SCG5: variants seen among roughly 807,000 people sequenced by gnomAD.
SCG5 encodes the protein secretogranin V, also known as neuroendocrine protein 7B2.
SCG5 carries 18 observed loss-of-function variants against 25.7 expected under a neutral mutation model. The ratio of observed to expected loss-of-function variants is 0.70; its 90% CI spans 0.48 to 1.04. SCG5 has a LOEUF of 1.04. Among genes scored for constraint, SCG5 ranks in the 50% least tolerant of loss-of-function variants. The pLI is 0.00. For missense variants in SCG5, 206 were observed against 259.8 expected (o/e 0.79, Z 1.42); for synonymous variants, 101 against 91.7 (o/e 1.10, Z -0.58).
In SCG5 at chr15:32,684,395, T is replaced by G. The variant is rs911059395; in HGVS notation, c.377-162T>G. On this transcript the variant is annotated intron_variant, in intron 3 of 5. Coordinates refer to ENST00000300175, the MANE Select transcript of SCG5 (RefSeq NM_001144757.3). The stretch of plus-strand genomic sequence containing the variant: ...AGTGGGAGTTTGAGATGAGTAATCC[T>G]ATCTAACTGGATCCTAGAGGGAAGG... The G allele has an allele frequency of 9.3e-5, 56 of 605,336 alleles. 1 individual carries two copies. The highest frequency in any genetic ancestry group is 7.3e-4 in the Middle Eastern group (2 of 2,734). 37.5% of individuals were successfully genotyped at this position (605,336 alleles called of 1,614,324 possible). A position where few individuals can be genotyped will look rare whatever the true frequency, so the allele number is the denominator to read the frequency against.
intron 1 of SCG5, among the ~76,000 whole-genome samples, chr15:32,643,356 G>A (rs944416096): frequency 6.6e-6 from 1 of 152,180 alleles, no homozygotes; most frequent in African/African-American, 2.4e-5. Flanking sequence ...TCTCAAGAAT[G>A]CAAACAGAGG....
chr15:32,665,392 C>G (rs4130383), intron 2 of SCG5, among the ~76,000 whole-genome samples: 3 of 151,188 alleles, frequency 2.0e-5, no homozygotes, highest in African/African-American at 7.3e-5. Flanking sequence ...TTGTTTAAGT[C>G]TCGTTTCTGA....
At chr15:32,681,710 A>T (rs998088995) in intron 3 of SCG5, among the ~76,000 whole-genome samples, 11 of 152,020 alleles carry the variant, frequency 7.2e-5, no homozygotes, top group African/African-American at 2.7e-4. Flanking sequence ...TTGGCCTTCC[A>T]AGGTGCTGGG....
intron 2 of SCG5, chr15:32,656,179 T>A (rs2054113606): frequency 6.6e-6 from 1 of 152,184 alleles, no homozygotes; most frequent in Non-Finnish European, 1.5e-5. Flanking sequence ...CTCCTGGAGG[T>A]TTCTAAGTTC....
At chr15:32,694,162 C>T (rs1204923691) in intron 5 of SCG5, among the ~76,000 whole-genome samples, 1 of 152,028 alleles carries the variant, frequency 6.6e-6, no homozygotes, top group Non-Finnish European at 1.5e-5. Flanking sequence ...ATTATTATTC[C>T]TAAGTGCTGG....
chr15:32,684,788 C>T, intron 4 of SCG5, 119 bp downstream of exon 4: 1 of 666,812 alleles, frequency 1.5e-6, no homozygotes, highest in South Asian at 1.9e-5. Flanking sequence ...GCTAATTTTT[C>T]AGAAATCTCT....
At chr15:32,667,667 T>C (rs975166148) in intron 2 of SCG5, among the ~76,000 whole-genome samples, 1 of 124,798 alleles carries the variant, frequency 8.0e-6, no homozygotes, top group African/African-American at 3.2e-5. Flanking sequence ...TGGTTTGTTG[T>C]AGTTTTATTC....
At chr15:32,677,567 G>A (rs970212577) in intron 2 of SCG5, 3 of 152,228 alleles carry the variant, frequency 2.0e-5, no homozygotes, top group Non-Finnish European at 2.9e-5. Flanking sequence ...CCTGTGGCAG[G>A]ATCCTCCTTC....
chr15:32,688,850 T>C (rs1272848730), intron 4 of SCG5, among the ~76,000 whole-genome samples: 2 of 151,540 alleles, frequency 1.3e-5, no homozygotes, highest in Non-Finnish European at 2.9e-5. Flanking sequence ...TCCCAGCTAC[T>C]TGGGAGGCTG....
chr15:32,661,663 A>G (rs1442280617), intron 2 of SCG5, among the ~76,000 whole-genome samples: 2 of 152,150 alleles, frequency 1.3e-5, no homozygotes, highest in African/African-American at 4.8e-5. Context: ...GACATTGTCA[A>G]ATGTCCTCTG....
intron 2 of SCG5, among the ~76,000 whole-genome samples, chr15:32,661,609 ACT>A (rs1057136088): frequency 1.3e-5 from 2 of 151,958 alleles, no homozygotes; most frequent in Admixed American, 6.6e-5. Context: ...AACGAGCGAA[ACT>A]CTGTCTCAAC....
intron 5 of SCG5, among the ~76,000 whole-genome samples, chr15:32,696,187 T>TCG (rs1258518904): frequency 4.6e-5 from 7 of 152,080 alleles, no homozygotes; most frequent in African/African-American, 7.2e-5. Context: ...GCATGACGTC[T>TCG]GCTCACTGCA....
rs182808536 is a variant in SCG5 at position 32,691,111 on chromosome 15, C to A, written c.490-599C>A. 2.5e-3 allele frequency among the ~76,000 whole-genome samples: 378 copies of A among 152,238 alleles called. 1 individual carries two copies. The highest frequency in any genetic ancestry group is 8.7e-3 in the African/African-American group (363 of 41,520). The stretch of plus-strand genomic sequence containing the variant: ...ACTTACACAAACTGTGGTAACAGAG[C>A]CCTGCCCCCCGACCCAACATAACTT... On this transcript the variant is annotated intron_variant, in intron 4 of 5. Coordinates refer to ENST00000300175, the MANE Select transcript of SCG5 (RefSeq NM_001144757.3).
chr15:32,679,245 A>T (rs182095009), intron 2 of SCG5, among the ~76,000 whole-genome samples: 86 of 148,534 alleles, frequency 5.8e-4, no homozygotes, highest in Admixed American at 1.4e-3. Flanking sequence ...CTCAGGCTGG[A>T]GTGCAGTGGC....
intron 1 of SCG5, among the ~76,000 whole-genome samples, chr15:32,642,311 C>T (rs2053878326): frequency 6.6e-6 from 1 of 151,948 alleles, no homozygotes; most frequent in Admixed American, 6.6e-5. Context: ...CGCCTGTAAT[C>T]CTAGCGCTTT....
At chr15:32,663,907 C>A (rs902794391) in intron 2 of SCG5, among the ~76,000 whole-genome samples, 3 of 152,224 alleles carry the variant, frequency 2.0e-5, no homozygotes, top group African/African-American at 7.2e-5. Flanking sequence ...AGACTATCAT[C>A]TTTGACTCGG....
At position 32,643,778 on chromosome 15, in the gene SCG5, T is replaced by G; in HGVS notation, c.186T>G (p.Ala62=). 1.2e-6 allele frequency: 2 copies of G among 1,613,922 alleles called. No homozygotes were observed. Among genetic ancestry groups the G allele is most frequent in the Non-Finnish European group, 1.7e-6 (2 of 1,179,894 alleles). Residue 62 remains alanine, a synonymous_variant, in exon 2 of 6, where the codon GCT becomes GCG. Coordinates refer to ENST00000300175, the MANE Select transcript of SCG5 (RefSeq NM_001144757.3). ...GIARPRVEYP[A]HQAMNLVGPQ... ...CCAGGCCCCGAGTGGAATATCCAGCTCACCAGGCCATGAATCTTGTGGGCC... is the reference window on the plus strand; with the variant it reads ...CCAGGCCCCGAGTGGAATATCCAGCGCACCAGGCCATGAATCTTGTGGGCC...
At chr15:32,656,553 T>C (rs1286337651) in intron 2 of SCG5, among the ~76,000 whole-genome samples, 1 of 152,204 alleles carries the variant, frequency 6.6e-6, no homozygotes, top group Non-Finnish European at 1.5e-5. Context: ...GACAGCTGTG[T>C]TAGGTTTAAA....
At chr15:32,694,439 T>C (rs1372215335) in intron 5 of SCG5, among the ~76,000 whole-genome samples, 1 of 152,224 alleles carries the variant, frequency 6.6e-6, no homozygotes, top group Non-Finnish European at 1.5e-5. Context: ...ACTTTTAAAC[T>C]CTTAAGCTGT....
Sources: gnomAD v4.1 joint callset for allele counts (sites outside exome capture counted in the v4.1 genomes callset) on GRCh38, gnomAD v4.1.1 for gene constraint, MANE v1.5 for transcripts, NCBI Gene and HGNC (gene_info 2026-07-23, HGNC 2026-07-21) for gene names.